KIAA0232: variants seen among roughly 807,000 people sequenced by gnomAD.
The protein encoded by KIAA0232 is KIAA0232.
A neutral mutation model predicts 122.0 loss-of-function variants in KIAA0232; 27 were observed. The ratio of observed to expected loss-of-function variants is 0.22; its 90% confidence interval spans 0.16 to 0.31. The LOEUF (loss-of-function observed/expected upper bound fraction) is 0.31, where lower values mean the gene tolerates loss of function less well. KIAA0232 is among the 10% of genes least tolerant of loss of function. The pLI is 1.00. For synonymous variants in KIAA0232, 613 were observed against 587.6 expected (o/e 1.04, Z -0.63); for missense variants, 1,551 against 1,634.2 (o/e 0.95, Z 0.88).
intron 1 of KIAA0232, among the ~76,000 whole-genome samples, chr4:6,802,507 GTCTCTT>G (rs1283037277): frequency 1.3e-5 from 2 of 152,198 alleles, no homozygotes; most frequent in East Asian, 3.9e-4. Context: ...TATGGGGTAA[GTCTCTT>G]TCTCTTTCTC....
At chr4:6,817,095 G>C (rs969859615) in intron 2 of KIAA0232, among the ~76,000 whole-genome samples, 1 of 151,922 alleles carries the variant, frequency 6.6e-6, no homozygotes, top group Non-Finnish European at 1.5e-5. Context: ...TTTAGGCTTC[G>C]TTTGCTCTTC....
At chr4:6,860,529 A>G (rs910008008) in intron 6 of KIAA0232, among the ~76,000 whole-genome samples, 5 of 152,236 alleles carry the variant, frequency 3.3e-5, no homozygotes, top group African/African-American at 1.2e-4. Context: ...GTCGCAAGCA[A>G]TAGTGACTTA....
intron 8 of KIAA0232, 31 bp downstream of exon 8, chr4:6,871,713 A>G: frequency 1.6e-6 from 2 of 1,260,854 alleles, no homozygotes; most frequent in East Asian, 2.3e-5. Context: ...TCATTTATTC[A>G]TTGCAATTTG....
Position 6,861,437 on chromosome 4 carries a change from G to A in KIAA0232, c.1055G>A (p.Ser352Asn). The A allele has an allele frequency of 1.2e-6, 2 of 1,614,236 alleles. No homozygotes were observed. The highest frequency in any genetic ancestry group is 1.7e-6 in the Non-Finnish European group (2 of 1,180,040). ...AERNIHTGSS[S>N]SSSSGSVKQL... Reference sequence around the variant, plus strand: ...AGGAACATTCATACTGGAAGTAGTAGCAGTAGCAGCAGTGGTTCTGTCAAA... The same window carrying A: ...AGGAACATTCATACTGGAAGTAGTAACAGTAGCAGCAGTGGTTCTGTCAAA... The change falls in exon 7 of 10, where the codon AGC (serine) becomes AAC (asparagine). Residue 352 changes from serine to asparagine, a missense_variant. Physicochemically the swap from Ser to Asn is conservative, Grantham distance 46. Transcript: ENST00000307659.
chr4:6,846,147 A>T (rs1030474544), intron 4 of KIAA0232, among the ~76,000 whole-genome samples: 2 of 151,994 alleles, frequency 1.3e-5, no homozygotes, highest in African/African-American at 2.4e-5. Flanking sequence ...AACGATTTTT[A>T]AAAATCTCAC....
intron 6 of KIAA0232, 30 bp from the exon 7 acceptor site, chr4:6,860,871 G>A (rs200517781): frequency 1.1e-4 from 170 of 1,581,192 alleles, no homozygotes; most frequent in Admixed American, 2.4e-4. Flanking sequence ...CTGCATACTC[G>A]TGTTTTGAAG....
At chr4:6,800,976 A>G (rs917366919) in intron 1 of KIAA0232, among the ~76,000 whole-genome samples, 4 of 152,202 alleles carry the variant, frequency 2.6e-5, no homozygotes, top group African/African-American at 7.2e-5. Flanking sequence ...GAATACAAAT[A>G]TAAATATAGA....
Position 6,862,960 on chromosome 4 carries a change from T to C in KIAA0232, c.2578T>C (p.Cys860Arg). The C allele has an allele frequency of 1.2e-6, 2 of 1,614,252 alleles. No individual in the cohort carries two copies. Among genetic ancestry groups the C allele is most frequent in the Non-Finnish European group, 1.7e-6 (2 of 1,180,042 alleles). Residue 860 changes from cysteine (C) to arginine (R), a missense_variant, in exon 7 of 10, where the codon TGC becomes CGC. Physicochemically the swap from Cys to Arg is radical, Grantham distance 180. Around this residue, in one of 5 missense-constraint regions of KIAA0232, gnomAD observed 1,108 missense variants for 1,154.8 expected, o/e 0.96. Transcript: ENST00000307659. ...LFSADVNNYC[C>R]CLDAEAELET... ...TTCGGCAGATGTAAATAACTACTGCTGCTGTCTAGATGCTGAAGCTGAACT... is the reference window on the plus strand; with the variant it reads ...TTCGGCAGATGTAAATAACTACTGCCGCTGTCTAGATGCTGAAGCTGAACT...
chr4:6,815,845 A>G (rs940639606), intron 2 of KIAA0232, among the ~76,000 whole-genome samples: 6 of 152,220 alleles, frequency 3.9e-5, no homozygotes, highest in Non-Finnish European at 8.8e-5. Flanking sequence ...AAAGGTTTTA[A>G]CCAGCTTTGA....
At chr4:6,820,088 A>G (rs528356727) in intron 2 of KIAA0232, among the ~76,000 whole-genome samples, 25 of 152,242 alleles carry the variant, frequency 1.6e-4, no homozygotes, top group African/African-American at 5.8e-4. Context: ...CTAAACACTG[A>G]AGACTGCTAT....
chr4:6,864,629 C>T (rs987209193), intron 7 of KIAA0232, among the ~76,000 whole-genome samples: 7 of 148,280 alleles, frequency 4.7e-5, no homozygotes, highest in Admixed American at 2.1e-4. Context: ...ATCCCAGCTC[C>T]TTGGGAGGCT....
intron 3 of KIAA0232, among the ~76,000 whole-genome samples, chr4:6,837,924 GGAGGGAGAGGGA>G (rs1360638722): frequency 6.6e-6 from 1 of 151,896 alleles, no homozygotes; most frequent in Non-Finnish European, 1.5e-5. Context: ...AGGGGGAGGG[GGAGGGAGAGGGA>G]GAGGGAGAGG....
rs576480133 is a variant in KIAA0232, at chr4:6,799,625, T to C, written c.-353-4898T>C. 7.9e-5 allele frequency among the ~76,000 whole-genome samples: 12 copies of C among 152,294 alleles called. No individual in the cohort carries two copies. In the East Asian group the frequency reaches 2.3e-3, roughly 29 times the overall value. ...TACATAACTATTAGAAAGACTCTTA[T>C]AATAGAGACTAAGAATTCTGTTTTT... On this transcript the variant is annotated intron_variant, in intron 1 of 9. Coordinates refer to ENST00000307659, the MANE Select transcript of KIAA0232 (RefSeq NM_014743.3).
chr4:6,815,808 G>T (rs778425215), intron 2 of KIAA0232, among the ~76,000 whole-genome samples: 20 of 152,088 alleles, frequency 1.3e-4, no homozygotes, highest in Non-Finnish European at 2.6e-4. Flanking sequence ...TTGTAAGAAC[G>T]GTTCTCTTAA....
intron 9 of KIAA0232, among the ~76,000 whole-genome samples, chr4:6,879,756 T>C (rs573602961): frequency 9.2e-5 from 14 of 151,976 alleles, no homozygotes; most frequent in African/African-American, 3.1e-4. Flanking sequence ...CACCTCTGCA[T>C]GGCTGGCTTC....
intron 4 of KIAA0232, among the ~76,000 whole-genome samples, chr4:6,844,483 C>T (rs1719850081): frequency 6.6e-6 from 1 of 151,666 alleles, no homozygotes; most frequent in Non-Finnish European, 1.5e-5. Flanking sequence ...ACTCTATTGC[C>T]CAGGCTGGAA....
At position 6,883,880 on chromosome 4, in the gene KIAA0232, CAG is replaced by C. The variant is rs1242468066; in HGVS notation, c.*2918_*2919del. 4 of 152,158 alleles carry C rather than the reference CAG, an allele frequency of 2.6e-5. No homozygotes were observed. The highest frequency in any genetic ancestry group is 9.7e-5 in the African/African-American group (4 of 41,440). 9.4% of individuals were successfully genotyped at this position (152,158 alleles called of 1,614,324 possible). On this transcript the variant is annotated 3_prime_UTR_variant, in exon 10 of 10. Transcript: ENST00000307659. ...TGTACAGTATATATGAATGCATACA[CAG>C]AGAAATTTACATTCAAGAGTGTACT...
intron 6 of KIAA0232, among the ~76,000 whole-genome samples, chr4:6,860,585 T>C (rs1276102752): frequency 6.6e-6 from 1 of 151,804 alleles, no homozygotes; most frequent in Non-Finnish European, 1.5e-5. Context: ...GACTGCATTC[T>C]TTCTTCTACT....
Position 6,792,691 on chromosome 4 carries a change from T to G in KIAA0232, c.-354+9850T>G, listed in dbSNP as rs561186449. Among the ~76,000 whole-genome samples the G allele has an allele frequency of 8.0e-4, 97 of 121,956 alleles. 1 individual carries two copies. Among genetic ancestry groups the G allele is most frequent in the South Asian group, 2.3e-3 (8 of 3,476 alleles). 80.0% of individuals were successfully genotyped at this position (121,956 alleles called of 152,430 possible). A position where few individuals can be genotyped will look rare whatever the true frequency, so the allele number is the denominator to read the frequency against. On this transcript the variant is annotated intron_variant, in intron 1 of 9. Transcript: ENST00000307659. ...TCTTGATAGTCTTAGGTTTTTTTTT[T>G]TTTGTTTTTTTTTTTTGAGACAGAG... is the stretch of plus-strand genomic sequence containing the variant.
Sources: allele counts gnomAD v4.1 joint callset (sites outside exome capture counted in the v4.1 genomes callset), GRCh38; gene constraint gnomAD v4.1.1; regional missense constraint gnomAD v4.1.1; transcripts MANE v1.5; gene names NCBI Gene and HGNC (gene_info 2026-07-23, HGNC 2026-07-21).